The following FRMPD4 variants were observed in gnomAD, a reference collection of about 807,000 sequenced individuals.
FRMPD4 encodes the protein FERM and PDZ domain containing 4.
A neutral mutation model predicts 94.1 loss-of-function variants in FRMPD4; 22 were observed. That is an observed-to-expected ratio of 0.23 (90% CI 0.17 to 0.33). The LOEUF (loss-of-function observed/expected upper bound fraction) is 0.33, where lower values mean the gene tolerates loss of function less well. FRMPD4 is among the 10% of genes least tolerant of loss of function. The pLI, the probability that FRMPD4 is intolerant of heterozygous loss-of-function variation, is 1.00. For missense variants in FRMPD4, 1,111 were observed against 1,339.9 expected (o/e 0.83, Z 2.67); for synonymous variants, 631 against 548.6 (o/e 1.15, Z -2.10).
At chrX:12,350,322 C>T (rs1169449049) in intron 1 of FRMPD4, among the ~76,000 whole-genome samples, 2 of 111,293 alleles carry the variant, frequency 1.8e-5, no homozygotes, top group East Asian at 2.8e-4. Context: ...AATTTAAACA[C>T]GAGAGAGCTT....
intron 1 of FRMPD4, among the ~76,000 whole-genome samples, chrX:12,310,151 C>T (rs1326591737): frequency 2.8e-5 from 3 of 107,213 alleles, no homozygotes; most frequent in Non-Finnish European, 3.8e-5. Context: ...GGGGTGGAGC[C>T]GTTTTATAGG....
intron 2 of FRMPD4, among the ~76,000 whole-genome samples, chrX:12,506,500 G>A (rs772572475): frequency 9.0e-6 from 1 of 111,497 alleles, no homozygotes; most frequent in South Asian, 3.8e-4. Flanking sequence ...TGTTGGCCAG[G>A]ATGGTCTCAA....
At chrX:11,914,948 T>C (rs188419677) in intron 3 of FRMPD4, among the ~76,000 whole-genome samples, 8 of 112,299 alleles carry the variant, frequency 7.1e-5, no homozygotes, top group African/African-American at 2.3e-4. Context: ...TAATGTAACT[T>C]CTTGATACAG....
At chrX:12,298,700 ACT>A (rs2054810515) in intron 1 of FRMPD4, among the ~76,000 whole-genome samples, 1 of 111,870 alleles carries the variant, frequency 8.9e-6, no homozygotes, top group Admixed American at 9.5e-5. Context: ...AAGGGGAGAA[ACT>A]CTGAGATGTT....
At chrX:12,466,418 C>T (rs752135549) in intron 1 of FRMPD4, among the ~76,000 whole-genome samples, 2 of 112,259 alleles carry the variant, frequency 1.8e-5, no homozygotes, top group Non-Finnish European at 3.8e-5. Context: ...CATACTTTTA[C>T]ACTGTGTGAT....
intron 1 of FRMPD4, among the ~76,000 whole-genome samples, chrX:12,412,093 A>T (rs1012021683): frequency 8.9e-6 from 1 of 112,430 alleles, no homozygotes; most frequent in Non-Finnish European, 1.9e-5. Context: ...GATTCAATGC[A>T]TAATGGTTTG....
intron 1 of FRMPD4, among the ~76,000 whole-genome samples, chrX:12,338,322 C>T (rs1433414650): frequency 8.9e-6 from 1 of 111,963 alleles, no homozygotes; most frequent in East Asian, 2.8e-4. Flanking sequence ...CAGATGAAAG[C>T]AGCTTGAAAG....
intron 1 of FRMPD4, among the ~76,000 whole-genome samples, chrX:12,409,760 T>C (rs1480528048): frequency 8.9e-6 from 1 of 112,209 alleles, no homozygotes; most frequent in Non-Finnish European, 1.9e-5. Context: ...CTGAAGGAAT[T>C]AGTCCATAAA....
At chrX:12,251,557 C>T (rs900188334) in intron 1 of FRMPD4, among the ~76,000 whole-genome samples, 5 of 111,896 alleles carry the variant, frequency 4.5e-5, no homozygotes, top group African/African-American at 1.6e-4. Context: ...GAAGCTACCC[C>T]TATGAGACAT....
intron 3 of FRMPD4, among the ~76,000 whole-genome samples, chrX:12,035,931 A>G: frequency 8.9e-6 from 1 of 112,469 alleles, no homozygotes; most frequent in East Asian, 2.8e-4. Context: ...TACTGAATGA[A>G]GTTACTAATG....
chrX:12,147,879 G>A (rs1282741293), intron 1 of FRMPD4, among the ~76,000 whole-genome samples: 2 of 111,459 alleles, frequency 1.8e-5, no homozygotes, highest in Non-Finnish European at 3.8e-5. Context: ...TGTTACTATT[G>A]GAATTGTTTG....
intron 1 of FRMPD4, among the ~76,000 whole-genome samples, chrX:11,854,428 A>C (rs910574494): frequency 1.8e-5 from 2 of 111,885 alleles, no homozygotes; most frequent in Non-Finnish European, 3.8e-5. Flanking sequence ...GCATTAACTC[A>C]AAAGTCCAAG....
chrX:12,239,660 G>A (rs912145738), intron 1 of FRMPD4, among the ~76,000 whole-genome samples: 1 of 111,994 alleles, frequency 8.9e-6, no homozygotes, highest in African/African-American at 3.2e-5. Context: ...AGTTCCAGCT[G>A]CTATAATAGA....
intron 3 of FRMPD4, among the ~76,000 whole-genome samples, chrX:12,092,157 G>T (rs1222914672): frequency 1.1e-4 from 12 of 112,090 alleles, no homozygotes; most frequent in African/African-American, 3.6e-4. Context: ...CTACCCTGCT[G>T]CCTCTTTCTT....
intron 3 of FRMPD4, among the ~76,000 whole-genome samples, chrX:12,114,514 T>A (rs2055391729): frequency 8.9e-6 from 1 of 112,316 alleles, no homozygotes; most frequent in African/African-American, 3.2e-5. Flanking sequence ...AAAATCATAT[T>A]TTTAGTCATT....
chrX:12,367,373 C>A (rs1431913765), intron 1 of FRMPD4, among the ~76,000 whole-genome samples: 2 of 112,437 alleles, frequency 1.8e-5, no homozygotes, highest in Non-Finnish European at 3.8e-5. Context: ...ACCCCAGGGG[C>A]ACCCTTCACA....
intron 2 of FRMPD4, among the ~76,000 whole-genome samples, chrX:12,582,498 T>C (rs778522701): frequency 9.0e-6 from 1 of 111,468 alleles, no homozygotes; most frequent in African/African-American, 3.3e-5. Context: ...ATTAGGAAAT[T>C]TCGCTGGCAA....
chrX:12,231,049 A>ATATATATATATATATATATAT (rs2056998858), intron 1 of FRMPD4, among the ~76,000 whole-genome samples: 4 of 28,112 alleles, frequency 1.4e-4, no homozygotes, highest in African/African-American at 5.1e-4. Context: ...TATATATATA[A>ATATATATATATATATATATAT]AATATATATA....
chrX:12,336,078 T>C (rs1379090267), intron 1 of FRMPD4, among the ~76,000 whole-genome samples: 1 of 108,586 alleles, frequency 9.2e-6, no homozygotes, highest in Non-Finnish European at 1.9e-5. Flanking sequence ...ACTTTTCTAA[T>C]TTCCAAGATT....
Sources: gnomAD v4.1 joint callset for allele counts (sites outside exome capture counted in the v4.1 genomes callset) on GRCh38, gnomAD v4.1.1 for gene constraint, MANE v1.5 for transcripts, NCBI Gene and HGNC (gene_info 2026-07-23, HGNC 2026-07-21) for gene names.